Variants in LDLRAD4 observed in about 807,000 individuals in gnomAD.
LDLRAD4 encodes low-density lipoprotein receptor class A domain-containing protein 4.
LDLRAD4 carries 5 observed loss-of-function variants against 17.0 expected under a neutral mutation model. That is an observed-to-expected ratio of 0.29 (90% CI 0.15 to 0.62). The LOEUF is 0.62. Among genes scored for constraint, LDLRAD4 ranks in the 20% least tolerant of loss-of-function variants. The pLI is 0.84. For missense variants in LDLRAD4, 340 were observed against 424.7 expected, an observed-to-expected ratio of 0.80 and a Z score of 1.75; for synonymous variants, 168 against 171.8, an observed-to-expected ratio of 0.98 and a Z score of 0.17.
chr18:13,602,635 T>C (rs2095177730), intron 3 of LDLRAD4, among the ~76,000 whole-genome samples: 1 of 151,126 alleles, frequency 6.6e-6, no homozygotes, highest in South Asian at 2.1e-4. Context: ...TTTAGTAGAG[T>C]CTGGGTTTCA....
intron 3 of LDLRAD4, among the ~76,000 whole-genome samples, chr18:13,509,377 T>G (rs772437413): frequency 6.6e-6 from 1 of 152,198 alleles, no homozygotes; most frequent in Non-Finnish European, 1.5e-5. Context: ...CCTGGATGAC[T>G]CTGAGGGATT....
intron 3 of LDLRAD4, among the ~76,000 whole-genome samples, chr18:13,525,166 C>G (rs1006413796): frequency 1.3e-5 from 2 of 152,138 alleles, no homozygotes; most frequent in Admixed American, 6.5e-5. Context: ...AGCTGGCAGA[C>G]CTGTGTGTTG....
chr18:13,376,779 T>C (rs2084946192), intron 1 of LDLRAD4, among the ~76,000 whole-genome samples: 1 of 152,198 alleles, frequency 6.6e-6, no homozygotes, highest in African/African-American at 2.4e-5. Context: ...ATGGTACCTG[T>C]CTGTGGTGCT....
At chr18:13,528,673 A>G (rs1601122598) in intron 3 of LDLRAD4, among the ~76,000 whole-genome samples, 3 of 152,208 alleles carry the variant, frequency 2.0e-5, no homozygotes, top group East Asian at 3.9e-4. Flanking sequence ...AGTATAATTT[A>G]CGTAAGTTTG....
chr18:13,357,163 C>T (rs1324368208), intron 1 of LDLRAD4, among the ~76,000 whole-genome samples: 1 of 152,010 alleles, frequency 6.6e-6, no homozygotes, highest in Admixed American at 6.6e-5. Flanking sequence ...AAAACAAAAA[C>T]AACAACAACA....
intron 3 of LDLRAD4, among the ~76,000 whole-genome samples, chr18:13,600,775 A>T (rs1165690816): frequency 6.6e-6 from 1 of 152,182 alleles, no homozygotes; most frequent in East Asian, 1.9e-4. Flanking sequence ...CAGTATTACC[A>T]TTTCTAAGCT....
intron 2 of LDLRAD4, among the ~76,000 whole-genome samples, chr18:13,391,540 A>G (rs1193947528): frequency 6.6e-6 from 1 of 152,230 alleles, no homozygotes; most frequent in African/African-American, 2.4e-5. Context: ...GAATTGATAC[A>G]TTATTTTTAG....
intron 1 of LDLRAD4, among the ~76,000 whole-genome samples, chr18:13,295,650 G>C (rs1007136727): frequency 1.3e-5 from 2 of 152,238 alleles, no homozygotes; most frequent in African/African-American, 4.8e-5. Context: ...GTGGTAGTCT[G>C]GTGACTCCCA....
intron 1 of LDLRAD4, among the ~76,000 whole-genome samples, chr18:13,223,130 T>G (rs2145353308): frequency 6.6e-6 from 1 of 152,284 alleles, no homozygotes; most frequent in Non-Finnish European, 1.5e-5. Context: ...CAAAGCCACC[T>G]CATACCAGGG....
chr18:13,577,626 G>T (rs573269622), intron 3 of LDLRAD4, among the ~76,000 whole-genome samples: 1 of 152,184 alleles, frequency 6.6e-6, no homozygotes, highest in African/African-American at 2.4e-5. Flanking sequence ...ACGCAAAAGC[G>T]AAGGGAGAGG....
At chr18:13,613,308 A>T (rs201153721) in intron 3 of LDLRAD4, 1 of 152,552 alleles carries the variant, frequency 6.6e-6, no homozygotes, top group African/African-American at 2.4e-5. Flanking sequence ...TGGCTGTGGG[A>T]TGAGAGCCTC....
chr18:13,373,790 A>G (rs2084692512), intron 1 of LDLRAD4, among the ~76,000 whole-genome samples: 1 of 152,206 alleles, frequency 6.6e-6, no homozygotes, highest in African/African-American at 2.4e-5. Context: ...GCACACTTTT[A>G]GCTGAAACGT....
At chr18:13,386,684 G>C (rs1010375362) in intron 1 of LDLRAD4, among the ~76,000 whole-genome samples, 4 of 152,212 alleles carry the variant, frequency 2.6e-5, no homozygotes, top group Non-Finnish European at 4.4e-5. Context: ...ATATGGAGCA[G>C]TTTATAGATT....
chr18:13,284,889 C>G (rs569243123), intron 1 of LDLRAD4, among the ~76,000 whole-genome samples: 2 of 152,368 alleles, frequency 1.3e-5, no homozygotes, highest in African/African-American at 4.8e-5. Context: ...TGCATCGCAG[C>G]AGTCCCCATA....
At chr18:13,541,279 G>T (rs998178410) in intron 3 of LDLRAD4, among the ~76,000 whole-genome samples, 33 of 152,302 alleles carry the variant, frequency 2.2e-4, no homozygotes, top group African/African-American at 7.0e-4. Context: ...GAAATGCGTG[G>T]TCCACTTTAA....
chr18:13,439,872 T>C (rs1038285613), intron 3 of LDLRAD4, among the ~76,000 whole-genome samples: 10 of 152,180 alleles, frequency 6.6e-5, no homozygotes, highest in African/African-American at 2.2e-4. Flanking sequence ...AATGATGTTT[T>C]CATCTCCTGA....
At chr18:13,349,009 C>T (rs894379175) in intron 1 of LDLRAD4, among the ~76,000 whole-genome samples, 1 of 152,182 alleles carries the variant, frequency 6.6e-6, no homozygotes, top group African/African-American at 2.4e-5. Context: ...ATTCCCTGAC[C>T]CCTTGCACTT....
intron 1 of LDLRAD4, among the ~76,000 whole-genome samples, chr18:13,269,561 T>G (rs2044405102): frequency 6.6e-6 from 1 of 151,510 alleles, no homozygotes; most frequent in Non-Finnish European, 1.5e-5. Context: ...GGGTAGATGA[T>G]CTTTTTTTTT....
At chr18:13,423,994 G>T (rs1201658054) in intron 2 of LDLRAD4, among the ~76,000 whole-genome samples, 1 of 152,074 alleles carries the variant, frequency 6.6e-6, no homozygotes, top group African/African-American at 2.4e-5. Flanking sequence ...AATCAGCCGG[G>T]CGTGGTGGCA....
Sources: allele counts gnomAD v4.1 joint callset (sites outside exome capture counted in the v4.1 genomes callset), GRCh38; gene constraint gnomAD v4.1.1; transcripts MANE v1.5; gene names NCBI Gene and HGNC (gene_info 2026-07-23, HGNC 2026-07-21).